ATXN7: variants seen among roughly 807,000 people sequenced by gnomAD.
ATXN7 encodes the protein ataxin-7.
Under a neutral mutation model 70.5 loss-of-function variants are expected in ATXN7, and 12 were observed. That is an observed-to-expected ratio of 0.17 (90% CI 0.11 to 0.28). The LOEUF (loss-of-function observed/expected upper bound fraction) is 0.28. Ranked by LOEUF, ATXN7 falls within the 10% of genes least tolerant of loss-of-function variation. The probability of loss-of-function intolerance (pLI) is 1.00; values close to 1 mark genes in which losing one functional copy is unlikely to be tolerated. For missense variants in ATXN7, 1,256 were observed against 1,131.7 expected, an observed-to-expected ratio of 1.11 and a Z score of -1.58; for synonymous variants, 498 against 448.7, an observed-to-expected ratio of 1.11 and a Z score of -1.39.
intron 2 of ATXN7, among the ~76,000 whole-genome samples, chr3:63,900,312 C>T (rs1703588354): frequency 6.6e-6 from 1 of 152,176 alleles, no homozygotes; most frequent in African/African-American, 2.4e-5. Flanking sequence ...AAAATGGTAG[C>T]ATTTCAGACA....
chr3:63,901,487 T>G (rs1703640939), intron 2 of ATXN7: 2 of 152,222 alleles, frequency 1.3e-5, no homozygotes, highest in South Asian at 4.1e-4. Flanking sequence ...ATTCCACATA[T>G]AAGTGAGATT....
Position 63,881,521 on chromosome 3 carries a change from C to T in ATXN7, c.-110-16878C>T, listed in dbSNP as rs554709202. 4.1e-5 allele frequency among the ~76,000 whole-genome samples: 6 copies of T among 144,836 alleles called. No homozygotes were observed. The South Asian group carries it at 8.7e-4, about 21-fold the overall frequency. ...TTTTTTTTTTTGAGACGGAGTCTCG[C>T]TCTGTCGCCTGGGCTGGTGTGCAGT... On this transcript the variant is annotated intron_variant, in intron 1 of 12. Coordinates refer to ENST00000674280, the MANE Select transcript of ATXN7 (RefSeq NM_001377405.1).
intron 4 of ATXN7, among the ~76,000 whole-genome samples, chr3:63,934,436 C>G (rs1210017763): frequency 2.0e-5 from 3 of 152,028 alleles, no homozygotes; most frequent in African/African-American, 7.2e-5. Context: ...TACAGTCATC[C>G]TACTTCTTTC....
chr3:63,881,394 T>A (rs2107222733), intron 1 of ATXN7, among the ~76,000 whole-genome samples: 1 of 152,260 alleles, frequency 6.6e-6, no homozygotes, highest in South Asian at 2.1e-4. Flanking sequence ...CTGAAGAAGT[T>A]AGTTGGGTCT....
chr3:63,981,067 T>C (rs1559655364), intron 6 of ATXN7, among the ~76,000 whole-genome samples: 1 of 152,206 alleles, frequency 6.6e-6, no homozygotes, highest in African/African-American at 2.4e-5. Flanking sequence ...GCCAGCCTGC[T>C]TTTGGAGGGT....
upstream of ATXN7, chr3:63,863,248 C>T (rs757602892): frequency 2.0e-4 from 33 of 167,334 alleles, no homozygotes; most frequent in Non-Finnish European, 3.7e-4. Flanking sequence ...CGCTCTGTAT[C>T]CTGACACCCC....
At chr3:63,949,181 C>T (rs1340226698) in intron 4 of ATXN7, among the ~76,000 whole-genome samples, 1 of 151,918 alleles carries the variant, frequency 6.6e-6, no homozygotes, top group Non-Finnish European at 1.5e-5. Flanking sequence ...CTTTCTGTTG[C>T]CACAACATTC....
At chr3:63,934,336 A>G (rs781649795) in intron 4 of ATXN7, among the ~76,000 whole-genome samples, 9 of 152,104 alleles carry the variant, frequency 5.9e-5, no homozygotes, top group African/African-American at 1.7e-4. Context: ...CACAGAGGGA[A>G]AGAACTGCTG....
chr3:63,865,940 TGTG>T (rs890961769), intron 1 of ATXN7, among the ~76,000 whole-genome samples: 1 of 140,348 alleles, frequency 7.1e-6, no homozygotes, highest in Non-Finnish European at 1.5e-5. Flanking sequence ...GTAATTGTCA[TGTG>T]GTGAAAAGTT....
intron 4 of ATXN7, among the ~76,000 whole-genome samples, chr3:63,952,017 A>C (rs2074962753): frequency 6.6e-6 from 1 of 152,250 alleles, no homozygotes; most frequent in Non-Finnish European, 1.5e-5. Flanking sequence ...ATGCACAGTT[A>C]AACAAAAGCA....
intron 4 of ATXN7, among the ~76,000 whole-genome samples, chr3:63,918,724 A>C (rs899187417): frequency 3.9e-5 from 6 of 152,132 alleles, no homozygotes; most frequent in Non-Finnish European, 7.4e-5. Flanking sequence ...TGGGTGTGTA[A>C]AGGTTCTGCA....
chr3:63,930,820 G>T (rs1352651411), intron 4 of ATXN7, among the ~76,000 whole-genome samples: 1 of 151,936 alleles, frequency 6.6e-6, no homozygotes, highest in East Asian at 1.9e-4. Flanking sequence ...ATGAGCCACC[G>T]CACCCGGCAA....
intron 1 of ATXN7, among the ~76,000 whole-genome samples, chr3:63,870,140 CATAGAT>C (rs1350115601): frequency 3.3e-5 from 5 of 152,198 alleles, no homozygotes; most frequent in African/African-American, 9.6e-5. Flanking sequence ...GGAAAACACT[CATAGAT>C]ATAAATGAAT....
chr3:63,992,007 CTT>C (rs1183929765), intron 11 of ATXN7, among the ~76,000 whole-genome samples: 2 of 152,062 alleles, frequency 1.3e-5, no homozygotes, highest in African/African-American at 4.8e-5. Flanking sequence ...GTGGGAGTGA[CTT>C]TGGTGAATAG....
chr3:63,950,303 A>G (rs1265820299), intron 4 of ATXN7, among the ~76,000 whole-genome samples: 1 of 152,210 alleles, frequency 6.6e-6, no homozygotes, highest in African/African-American at 2.4e-5. Flanking sequence ...GGGTTAGTCC[A>G]CAGAAGAATC....
chr3:63,880,713 C>T (rs566724016), intron 1 of ATXN7, among the ~76,000 whole-genome samples: 1 of 152,350 alleles, frequency 6.6e-6, no homozygotes, highest in African/African-American at 2.4e-5. Flanking sequence ...TCACAGAAGC[C>T]TTCCCTGACC....
intron 2 of ATXN7, among the ~76,000 whole-genome samples, chr3:63,907,922 A>G (rs1481566937): frequency 6.6e-6 from 1 of 152,088 alleles, no homozygotes; most frequent in East Asian, 1.9e-4. Flanking sequence ...ATTACCTTTT[A>G]TATGTGTATT....
chr3:63,947,101 A>G (rs2074876469), intron 4 of ATXN7, among the ~76,000 whole-genome samples: 1 of 152,210 alleles, frequency 6.6e-6, no homozygotes, highest in South Asian at 2.1e-4. Context: ...TGAGATTTCA[A>G]TCCTGTGTGC....
chr3:63,885,641 C>T (rs1194555751), intron 1 of ATXN7, among the ~76,000 whole-genome samples: 1 of 152,184 alleles, frequency 6.6e-6, no homozygotes, highest in Non-Finnish European at 1.5e-5. Flanking sequence ...TCTGCACTCC[C>T]ATGTTCATTG....
Sources: allele counts gnomAD v4.1 joint callset (sites outside exome capture counted in the v4.1 genomes callset), GRCh38; gene constraint gnomAD v4.1.1; transcripts MANE v1.5; gene names NCBI Gene and HGNC (gene_info 2026-07-23, HGNC 2026-07-21).